Variants in FGGY observed in about 807,000 individuals in gnomAD.
FGGY encodes FGGY carbohydrate kinase domain containing, also known as FGGY carbohydrate kinase domain-containing protein.
In FGGY, 72 loss-of-function variants were observed where a neutral mutation model predicts 71.3. The ratio of observed to expected loss-of-function variants is 1.01; its 90% CI spans 0.84 to 1.23. The LOEUF (loss-of-function observed/expected upper bound fraction) is 1.23, where lower values mean the gene tolerates loss of function less well. Ranked by LOEUF, FGGY falls within the 50% of genes most tolerant of loss-of-function variation. The pLI, the probability that FGGY is intolerant of heterozygous loss-of-function variation, is 0.00. For missense variants in FGGY, 668 were observed against 682.3 expected, an observed-to-expected ratio of 0.98 and a Z score of 0.23; for synonymous variants, 251 against 250.3, an observed-to-expected ratio of 1.00 and a Z score of -0.02.
At chr1:59,746,500 T>G (rs534780109) in intron 14 of FGGY, among the ~76,000 whole-genome samples, 1 of 152,120 alleles carries the variant, frequency 6.6e-6, no homozygotes. Context: ...AAACTTCCCT[T>G]TTTTTGAGAC....
intron 8 of FGGY, among the ~76,000 whole-genome samples, chr1:59,605,148 C>T (rs1024443441): frequency 1.3e-5 from 2 of 152,142 alleles, no homozygotes; most frequent in African/African-American, 4.8e-5. Context: ...AGAAGCATTC[C>T]CTGTCACCTA....
intron 12 of FGGY, among the ~76,000 whole-genome samples, chr1:59,666,130 T>A (rs2097323454): frequency 6.6e-6 from 1 of 152,238 alleles, no homozygotes; most frequent in African/African-American, 2.4e-5. Flanking sequence ...TCTTGGTGGC[T>A]GTGCCATCTG....
At chr1:59,546,825 G>A (rs1026984950) in intron 7 of FGGY, among the ~76,000 whole-genome samples, 1 of 150,884 alleles carries the variant, frequency 6.6e-6, no homozygotes, top group Non-Finnish European at 1.5e-5. Context: ...GATTACAGGC[G>A]TGAGCTACCA....
chr1:59,319,737 AT>A (rs1189344887), intron 1 of FGGY, among the ~76,000 whole-genome samples: 7 of 152,096 alleles, frequency 4.6e-5, no homozygotes. Context: ...GCAGGACTGT[AT>A]TAGGCGGGGC....
At chr1:59,573,441 T>C (rs940038756) in intron 8 of FGGY, among the ~76,000 whole-genome samples, 6 of 151,808 alleles carry the variant, frequency 4.0e-5, no homozygotes, top group African/African-American at 1.5e-4. Flanking sequence ...CATATACACA[T>C]ATGTGTGTGT....
At chr1:59,594,347 T>C (rs2096493867) in intron 8 of FGGY, among the ~76,000 whole-genome samples, 2 of 152,232 alleles carry the variant, frequency 1.3e-5, no homozygotes, top group African/African-American at 4.8e-5. Flanking sequence ...GATTATTTAC[T>C]ATGTGAAGGC....
In FGGY at chr1:59,638,341, G is replaced by T; in HGVS notation, c.1187G>T (p.Arg396Leu). 3 of 1,614,184 alleles carry T rather than the reference G, an allele frequency of 1.9e-6. No individual in the cohort carries two copies. The highest frequency in any genetic ancestry group is 2.5e-6 in the Non-Finnish European group (3 of 1,180,030). Reference protein sequence around the residue: ...LHVWPDFHGNRSPLADLTLKG... With the variant: ...LHVWPDFHGNLSPLADLTLKG... ...GTTTGGCCAGATTTCCATGGCAACC[G>T]GTCTCCCTTAGCAGATCTGACACTA... is the stretch of plus-strand genomic sequence containing the variant. Residue 396 changes from arginine to leucine, a missense_variant, in exon 11 of 16, where the codon CGG becomes CTG. By Grantham distance (102) the Arg-to-Leu change is moderately radical (BLOSUM62 -2). Coordinates refer to ENST00000303721, the MANE Select transcript of FGGY (RefSeq NM_018291.5).
At chr1:59,526,257 C>A (rs568866417) in intron 7 of FGGY, among the ~76,000 whole-genome samples, 16 of 152,288 alleles carry the variant, frequency 1.1e-4, no homozygotes, top group African/African-American at 3.8e-4. Flanking sequence ...CCAGGAGGTG[C>A]TACTGGTATA....
At chr1:59,376,055 C>G (rs2058614986) in intron 4 of FGGY, among the ~76,000 whole-genome samples, 1 of 151,930 alleles carries the variant, frequency 6.6e-6, no homozygotes, top group African/African-American at 2.4e-5. Flanking sequence ...TTGCTGAAAC[C>G]ACAAGACATA....
At chr1:59,444,039 C>T (rs183220140) in intron 5 of FGGY, among the ~76,000 whole-genome samples, 20 of 152,232 alleles carry the variant, frequency 1.3e-4, no homozygotes, top group African/African-American at 4.8e-4. Context: ...GTGAGAAACC[C>T]AACATTACTA....
chr1:59,662,076 C>T (rs1558719812), intron 12 of FGGY, among the ~76,000 whole-genome samples: 3 of 146,448 alleles, frequency 2.0e-5, no homozygotes, highest in Admixed American at 1.3e-4. Flanking sequence ...AATCCCAGCA[C>T]TTTGGGAGGC....
intron 13 of FGGY, among the ~76,000 whole-genome samples, chr1:59,671,202 G>A (rs1285579273): frequency 6.6e-6 from 1 of 152,144 alleles, no homozygotes; most frequent in African/African-American, 2.4e-5. Context: ...GTAGAGTGGG[G>A]ACCCAGAGGA....
At chr1:59,601,026 G>A (rs2096572438) in intron 8 of FGGY, among the ~76,000 whole-genome samples, 1 of 148,080 alleles carries the variant, frequency 6.8e-6, no homozygotes, top group Admixed American at 6.7e-5. Context: ...CTAGGAGTTG[G>A]CTGGATTGTG....
intron 5 of FGGY, among the ~76,000 whole-genome samples, chr1:59,392,263 G>A (rs2060786613): frequency 6.6e-6 from 1 of 152,144 alleles, no homozygotes; most frequent in African/African-American, 2.4e-5. Flanking sequence ...AAGAACCTTG[G>A]TAGAGGTTCA....
intron 4 of FGGY, among the ~76,000 whole-genome samples, chr1:59,348,622 G>C (rs1039783268): frequency 8.5e-5 from 13 of 152,148 alleles, no homozygotes. Context: ...TTTCAGGTGG[G>C]CTGAGTCTTC....
At chr1:59,525,362 A>G (rs1352204752) in intron 7 of FGGY, among the ~76,000 whole-genome samples, 2 of 152,216 alleles carry the variant, frequency 1.3e-5, no homozygotes. Context: ...GGCACGAGCA[A>G]TACTCAGGCA....
intron 5 of FGGY, among the ~76,000 whole-genome samples, chr1:59,437,103 C>T (rs955803837): frequency 1.3e-5 from 2 of 152,218 alleles, no homozygotes; most frequent in African/African-American, 4.8e-5. Flanking sequence ...CCTGGTCCTC[C>T]ACCTTCCTGA....
intron 14 of FGGY, among the ~76,000 whole-genome samples, chr1:59,707,240 C>T (rs142732853): frequency 1.9e-3 from 293 of 152,260 alleles, no homozygotes; most frequent in African/African-American, 6.3e-3. Flanking sequence ...AGCGAAACTG[C>T]GAGCTGGAGA....
At chr1:59,558,100 C>T (rs1161768968) in intron 8 of FGGY, among the ~76,000 whole-genome samples, 2 of 152,160 alleles carry the variant, frequency 1.3e-5, no homozygotes, top group Non-Finnish European at 2.9e-5. Flanking sequence ...GCCTCAGTTT[C>T]TGCATCTGTT....
Sources: allele counts gnomAD v4.1 joint callset (sites outside exome capture counted in the v4.1 genomes callset), GRCh38; gene constraint gnomAD v4.1.1; transcripts MANE v1.5; gene names NCBI Gene and HGNC (gene_info 2026-07-23, HGNC 2026-07-21).